PLCH2: variants seen among roughly 807,000 people sequenced by gnomAD.
The protein encoded by PLCH2 is phospholipase C eta 2.
Under a neutral mutation model 134.7 loss-of-function variants are expected in PLCH2, and 98 were observed. The ratio of observed to expected loss-of-function variants is 0.73; its 90% confidence interval spans 0.62 to 0.86. The LOEUF is 0.86. PLCH2 is among the 40% of genes least tolerant of loss of function. The pLI is 0.00. For missense variants in PLCH2, 1,994 were observed against 1,986.6 expected, an observed-to-expected ratio of 1.00 and a Z score of -0.07; for synonymous variants, 974 against 827.5, an observed-to-expected ratio of 1.18 and a Z score of -3.04.
Position 2,503,764 on chromosome 1 carries a change from C to T in PLCH2, c.2960-158C>T, listed in dbSNP as rs774684119. ...GTGGGGACACCGAGTGTGCCGCGCC[C>T]GGGGGATGCCTCGGGGTGGGAGCTG... is the stretch of plus-strand genomic sequence containing the variant. On this transcript the variant is annotated intron_variant, in intron 21 of 21. Transcript: ENST00000378486. 119 of 616,444 alleles carry T rather than the reference C, an allele frequency of 1.9e-4. 1 individual carries two copies. Among genetic ancestry groups the T allele is most frequent in the Admixed American group, 1.4e-3 (53 of 38,968 alleles). 38.2% of individuals were successfully genotyped at this position (616,444 alleles called of 1,614,324 possible). A position where few individuals can be genotyped will look rare whatever the true frequency, so the allele number is the denominator to read the frequency against.
At chr1:2,453,281 C>T (rs1415053682) in intron 2 of PLCH2, among the ~76,000 whole-genome samples, 4 of 152,258 alleles carry the variant, frequency 2.6e-5, no homozygotes, top group African/African-American at 7.2e-5. Flanking sequence ...GGCCCTTCCC[C>T]GTGTGGTGCT....
intron 13 of PLCH2, among the ~76,000 whole-genome samples, chr1:2,496,203 G>A (rs1167127759): frequency 6.6e-6 from 1 of 152,122 alleles, no homozygotes; most frequent in Non-Finnish European, 1.5e-5. Context: ...GCACACATCT[G>A]ATCCACGTGT....
chr1:2,499,241 G>C lies in PLCH2; in HGVS notation c.2581+11G>C. 6.2e-7 allele frequency: 1 copy of C among 1,612,140 alleles called. No individual in the cohort carries two copies. Among genetic ancestry groups the C allele is most frequent in the Non-Finnish European group, 8.5e-7 (1 of 1,179,538 alleles). On this transcript the variant is annotated intron_variant, in intron 19 of 21. Transcript: ENST00000378486. ...GCAGCATGATGCCAGGTGGGCAGGA[G>C]TGGACACGGTGCCCCCCACACTGGC... is the stretch of plus-strand genomic sequence containing the variant.
Position 2,459,490 on chromosome 1 carries a change from T to TGGTGGTCCTCCTTGCC in PLCH2, c.116-18973_116-18972insGCCGGTGGTCCTCCTT, listed in dbSNP as rs1557969789. Among the ~76,000 whole-genome samples the TGGTGGTCCTCCTTGCC allele has an allele frequency of 3.6e-4, 5 of 13,726 alleles. 1 individual carries two copies. Among genetic ancestry groups the TGGTGGTCCTCCTTGCC allele is most frequent in the East Asian group, 1.1e-3 (1 of 894 alleles). 9.0% of individuals were successfully genotyped at this position (13,726 alleles called of 152,430 possible). On this transcript the variant is annotated intron_variant, in intron 2 of 3. Coordinates refer to the PLCH2 transcript ENST00000609981. ...TCTCCTTCCTGGTGGTCCTCCTTCC[T>TGGTGGTCCTCCTTGCC]GGTGGTCCTCCTTCCTGGTGGTCCT...
upstream of PLCH2, among the ~76,000 whole-genome samples, chr1:2,465,172 G>A (rs143645861): frequency 0.017 from 2,517 of 152,334 alleles, 32 homozygotes; most frequent in Middle Eastern, 0.024. Flanking sequence ...CTGTCTCAGG[G>A]TGTGGTCTCC....
intron 1 of PLCH2, among the ~76,000 whole-genome samples, chr1:2,427,766 G>T (rs1017237373): frequency 6.6e-6 from 1 of 152,096 alleles, no homozygotes; most frequent in South Asian, 2.1e-4. Context: ...AGAAGCAGCC[G>T]GCGAGCCCTC....
In PLCH2 at chr1:2,489,353, T is replaced by C. The variant is rs752604049; in HGVS notation, c.1382T>C (p.Met461Thr). ...EDATTLPSPQ[M>T]LKGKILVKGK... ...GCCACCACACTCCCCTCTCCACAGATGCTCAAGGGCAAGATCCTCGTGAAG... is the reference window on the plus strand; with the variant it reads ...GCCACCACACTCCCCTCTCCACAGACGCTCAAGGGCAAGATCCTCGTGAAG... Residue 461 changes from methionine (M) to threonine (T), a missense_variant, in exon 9 of 22, where the codon ATG (methionine) becomes ACG (threonine). By Grantham distance (81) the Met-to-Thr change is moderately conservative (BLOSUM62 -1). Around this residue, in one of 2 missense-constraint regions of PLCH2, gnomAD observed 1,094 missense variants for 1,234.3 expected, o/e 0.89. Transcript: ENST00000378486. The C allele has an allele frequency of 1.2e-6, 2 of 1,613,738 alleles. No homozygotes were observed. The highest frequency in any genetic ancestry group is 2.2e-5 in the South Asian group (2 of 91,084).
chr1:2,477,452 C>T (rs1401537273), intron 1 of PLCH2, among the ~76,000 whole-genome samples: 1 of 152,236 alleles, frequency 6.6e-6, no homozygotes, highest in Non-Finnish European at 1.5e-5. Flanking sequence ...TGGTCCTCTA[C>T]AACGCCCCCG....
intron 1 of PLCH2, among the ~76,000 whole-genome samples, chr1:2,477,261 G>T (rs1027070582): frequency 1.3e-5 from 2 of 151,966 alleles, no homozygotes; most frequent in African/African-American, 2.4e-5. Flanking sequence ...GCCTCTGCCC[G>T]CCCCCTGCCC....
chr1:2,498,580 T>C lies in PLCH2; in HGVS notation c.2282T>C (p.Val761Ala). 6.2e-7 allele frequency: 1 copy of C among 1,600,912 alleles called. No individual in the cohort carries two copies. The highest frequency in any genetic ancestry group is 8.5e-7 in the Non-Finnish European group (1 of 1,175,784). ...CCCGGGCAGCTCAAGAAGCAGCTGG[T>C]GCTCCGGATCATCAGTGGCCAGCAG... ...PLPGQLKKQLVLRIISGQQLP... is the reference protein window; with the variant it reads ...PLPGQLKKQLALRIISGQQLP... Residue 761 changes from valine (V) to alanine (A), a missense_variant, in exon 17 of 22, where the codon GTG becomes GCG. Val to Ala is a moderately conservative substitution (Grantham distance 64). Around this residue, in one of 2 missense-constraint regions of PLCH2, gnomAD observed 1,094 missense variants for 1,234.3 expected, o/e 0.89. Coordinates refer to ENST00000378486, the MANE Select transcript of PLCH2 (RefSeq NM_014638.4). This position sits in a 1 kb window ranked among gnomAD's most constrained non-coding sequence, Gnocchi z 5.4.
upstream of PLCH2, among the ~76,000 whole-genome samples, chr1:2,465,495 C>A (rs1285302970): frequency 6.6e-6 from 1 of 152,170 alleles, no homozygotes; most frequent in South Asian, 2.1e-4. Flanking sequence ...TCCTTCCAGT[C>A]GCCTTCTTCA....
rs186432200 is a variant in PLCH2 at position 2,495,223 on chromosome 1, C to A, written c.1753-265C>A. On this transcript the variant is annotated intron_variant, in intron 12 of 21. Coordinates refer to ENST00000378486, the MANE Select transcript of PLCH2 (RefSeq NM_014638.4). ...GGCTCGGAGCTGGTGGGAACAGGTG[C>A]CTGGCTGGCTCACATCCCTTCTCTG... 2.4e-3 allele frequency among the ~76,000 whole-genome samples: 359 copies of A among 152,324 alleles called. 3 individuals carry two copies. The highest frequency in any genetic ancestry group is 9.0e-4 in the Non-Finnish European group (61 of 68,022).
intron 19 of PLCH2, 119 bp from the exon 20 acceptor site, chr1:2,499,522 G>A: frequency 1.2e-6 from 1 of 807,180 alleles, no homozygotes; most frequent in Non-Finnish European, 2.1e-6. Context: ...AGAGGCCCCA[G>A]GCCTGGGCTT....
At position 2,460,395 on chromosome 1, in the gene PLCH2, C is replaced by T. The variant is rs1176572390; in HGVS notation, c.116-18081C>T. Among the ~76,000 whole-genome samples the T allele has an allele frequency of 2.6e-5, 4 of 152,362 alleles. No individual in the cohort carries two copies. The East Asian group carries it at 7.7e-4, about 29-fold the overall frequency. ...CCACACACAGCAGGTGGTTAGTAAA[C>T]CCCGGCTGATGGCTAGGGGTATGGA... On this transcript the variant is annotated intron_variant, in intron 2 of 3. Coordinates refer to the PLCH2 transcript ENST00000609981.
At chr1:2,466,798 G>A (rs969961887), upstream of PLCH2, among the ~76,000 whole-genome samples, 2 of 152,220 alleles carry the variant, frequency 1.3e-5, no homozygotes, top group Non-Finnish European at 2.9e-5. Context: ...GGCTCGGAGA[G>A]GGAGAGGACC....
intron 2 of PLCH2, among the ~76,000 whole-genome samples, chr1:2,458,081 G>T (rs1640586193): frequency 6.6e-6 from 1 of 152,138 alleles, no homozygotes; most frequent in Non-Finnish European, 1.5e-5. Context: ...GTGTGTGTGA[G>T]TGGGGGTGGG....
intron 21 of PLCH2, chr1:2,503,172 C>G: frequency 1.6e-6 from 1 of 624,836 alleles, no homozygotes; most frequent in Non-Finnish European, 2.9e-6. Flanking sequence ...ACCAGCTGCT[C>G]TTGCTGAGGG....
At chr1:2,437,512 C>T (rs1639483817) in intron 2 of PLCH2, among the ~76,000 whole-genome samples, 1 of 151,856 alleles carries the variant, frequency 6.6e-6, no homozygotes, top group Non-Finnish European at 1.5e-5. Flanking sequence ...ACCCTCCCGC[C>T]CACCATCCGA....
chr1:2,457,044 C>G (rs754985569), intron 2 of PLCH2, among the ~76,000 whole-genome samples: 1 of 152,222 alleles, frequency 6.6e-6, no homozygotes, highest in African/African-American at 2.4e-5. Flanking sequence ...ACCTCCAGAA[C>G]CCCCCGGGGC....
Sources: gnomAD v4.1 joint callset for allele counts (sites outside exome capture counted in the v4.1 genomes callset) on GRCh38, gnomAD v4.1.1 for gene constraint, gnomAD v4.1.1 regional missense constraint, Gnocchi (gnomAD v3.1) non-coding constraint, MANE v1.5 for transcripts, NCBI Gene and HGNC (gene_info 2026-07-23, HGNC 2026-07-21) for gene names.